The following PDE5A variants were observed in gnomAD, a reference collection of about 807,000 sequenced individuals.
The protein encoded by PDE5A is phosphodiesterase 5A.
A neutral mutation model predicts 110.2 loss-of-function variants in PDE5A; 67 were observed. The observed-to-expected ratio is 0.61, with a 90% CI of 0.50 to 0.75. The LOEUF (loss-of-function observed/expected upper bound fraction) is 0.75, where lower values mean the gene tolerates loss of function less well. PDE5A is among the 30% of genes least tolerant of loss of function. The pLI is 0.00. For synonymous variants in PDE5A, 328 were observed against 351.2 expected (o/e 0.93, Z 0.74); for missense variants, 862 against 1,045.1 (o/e 0.82, Z 2.42).
At chr4:119,595,518 T>A (rs1729122689) in intron 3 of PDE5A, among the ~76,000 whole-genome samples, 1 of 152,150 alleles carries the variant, frequency 6.6e-6, no homozygotes. Flanking sequence ...GTGGGCATCA[T>A]CCAATCCACT....
chr4:119,592,487 A>AAAAAAAAAAAAAAAAAAAAT, intron 3 of PDE5A, among the ~76,000 whole-genome samples: 1 of 137,040 alleles, frequency 7.3e-6, no homozygotes, highest in Admixed American at 7.5e-5. Context: ...AAAAAAAAAA[A>AAAAAAAAAAAAAAAAAAAAT]GCTGTGTTCT....
intron 11 of PDE5A, 146 bp downstream of exon 11, chr4:119,538,814 T>G (rs1726819133): frequency 1.4e-6 from 1 of 702,606 alleles, no homozygotes; most frequent in Non-Finnish European, 2.6e-6. Context: ...TAATGCCTTT[T>G]GCTTTGTATT....
intron 3 of PDE5A, among the ~76,000 whole-genome samples, chr4:119,590,069 C>T (rs1233371616): frequency 6.6e-6 from 1 of 152,128 alleles, no homozygotes; most frequent in Non-Finnish European, 1.5e-5. Flanking sequence ...TATTATGACC[C>T]CTACAGTCCG....
intron 11 of PDE5A, among the ~76,000 whole-genome samples, chr4:119,530,656 T>C (rs1387643770): frequency 1.3e-5 from 2 of 152,166 alleles, no homozygotes; most frequent in Non-Finnish European, 2.9e-5. Context: ...CTGTTATATT[T>C]GGAGCACCTA....
At chr4:119,547,625 TTTATG>T (rs1727179350) in intron 9 of PDE5A, among the ~76,000 whole-genome samples, 1 of 152,034 alleles carries the variant, frequency 6.6e-6, no homozygotes, top group Non-Finnish European at 1.5e-5. Context: ...ACCTTCAGTT[TTTATG>T]TTATGTTAAT....
chr4:119,615,003 G>A (rs1729886137), intron 1 of PDE5A, among the ~76,000 whole-genome samples: 1 of 152,128 alleles, frequency 6.6e-6, no homozygotes, highest in Admixed American at 6.5e-5. Context: ...TAACAATCAG[G>A]TGATAATTCT....
At chr4:119,622,312 G>C (rs1730178511) in intron 1 of PDE5A, among the ~76,000 whole-genome samples, 1 of 151,946 alleles carries the variant, frequency 6.6e-6, no homozygotes, top group Non-Finnish European at 1.5e-5. Context: ...TTTCAGTATA[G>C]GTATTCAACT....
chr4:119,626,835 A>G (rs1240522207), intron 1 of PDE5A, among the ~76,000 whole-genome samples: 2 of 152,168 alleles, frequency 1.3e-5, no homozygotes, highest in South Asian at 2.1e-4. Flanking sequence ...ATTAAATTGA[A>G]AAGATTAATC....
chr4:119,557,318 G>A (rs1437586120), intron 7 of PDE5A, among the ~76,000 whole-genome samples: 1 of 152,128 alleles, frequency 6.6e-6, no homozygotes, highest in Non-Finnish European at 1.5e-5. Context: ...TTGGTCTGAT[G>A]GCTTTCCTGG....
rs1341238078 is a variant in PDE5A, at chr4:119,560,424, T to TA, written c.1132-62dup. 1.8e-5 allele frequency: 18 copies of TA among 1,010,806 alleles called. No individual in the cohort carries two copies. The African/African-American group carries it at 2.1e-4, about 12-fold the overall frequency. The allele number at this position is 1,010,806 out of a possible 1,614,324, so 62.6% of individuals were successfully genotyped here. A position where few individuals can be genotyped will look rare whatever the true frequency, so the allele number is the denominator to read the frequency against. On this transcript the variant is annotated intron_variant, in intron 6 of 20. Coordinates refer to ENST00000354960, the MANE Select transcript of PDE5A (RefSeq NM_001083.4). ...GACAAGGTAATGAAAACTATCTAGA[T>TA]ACAGACATACATGCTATGGAATTGA... is the stretch of plus-strand genomic sequence containing the variant.
intron 15 of PDE5A, 100 bp downstream of exon 15, chr4:119,510,947 C>G: frequency 1.2e-6 from 1 of 815,254 alleles, no homozygotes; most frequent in Non-Finnish European, 2.0e-6. Flanking sequence ...AAAGTATGTG[C>G]AAGAATTTAT....
chr4:119,555,635 A>C (rs146068632), intron 7 of PDE5A, among the ~76,000 whole-genome samples: 16 of 152,264 alleles, frequency 1.1e-4, no homozygotes, highest in African/African-American at 3.1e-4. Flanking sequence ...AACTATTATT[A>C]TTCTTCATCA....
At chr4:119,565,512 GA>G in intron 4 of PDE5A, 102 bp from the exon 5 acceptor site, 1 of 753,002 alleles carries the variant, frequency 1.3e-6, no homozygotes, top group Non-Finnish European at 2.3e-6. Context: ...AAAGCCAAAA[GA>G]ATAGATGTTT....
At chr4:119,597,013 C>T (rs1291485263) in intron 2 of PDE5A, among the ~76,000 whole-genome samples, 1 of 152,062 alleles carries the variant, frequency 6.6e-6, no homozygotes, top group African/African-American at 2.4e-5. Context: ...CTTTACTTCC[C>T]TTGTAAGGGC....
At position 119,542,623 on chromosome 4, in the gene PDE5A, G is replaced by T; in HGVS notation, c.1408C>A (p.Leu470Ile). The change falls in exon 10 of 21, where the codon CTT becomes ATT. Residue 470 changes from leucine to isoleucine, a missense_variant. Transcript: ENST00000354960. The part of the protein sequence containing the change: ...KKNKVIGVCQ[L>I]VNKMEENTGK... ...GTATTCTCCTCCATCTTATTAACAAGTTGGCAAACCCCTATAACAATCCGA... is the reference window on the plus strand; with the variant it reads ...GTATTCTCCTCCATCTTATTAACAATTTGGCAAACCCCTATAACAATCCGA... 6.2e-7 allele frequency: 1 copy of T among 1,613,630 alleles called. No homozygotes were observed. The highest frequency in any genetic ancestry group is 1.7e-4 in the Middle Eastern group (1 of 6,058).
rs1403102711 is a variant in PDE5A at position 119,627,186 on chromosome 4, G to C, written c.152+1334C>G. ...TCCAAAGGGCAACATAGCAAACGTG[G>C]GAAGTTCGTTTTCGAACTCCGCCGA... On this transcript the variant is annotated intron_variant, in intron 1 of 20. Transcript: ENST00000354960. This position sits in a 1 kb window ranked among gnomAD's most constrained non-coding sequence, Gnocchi z 4.6. 1.9e-6 allele frequency: 3 copies of C among 1,612,724 alleles called. No individual in the cohort carries two copies. Among genetic ancestry groups the C allele is most frequent in the Non-Finnish European group, 2.5e-6 (3 of 1,179,366 alleles).
intron 13 of PDE5A, 54 bp from the exon 14 acceptor site, chr4:119,519,193 G>C: frequency 8.8e-6 from 11 of 1,249,792 alleles, no homozygotes; most frequent in Non-Finnish European, 1.2e-5. Flanking sequence ...TGTGGTGAAG[G>C]ACATTATATT....
intron 7 of PDE5A, among the ~76,000 whole-genome samples, chr4:119,557,975 C>T (rs1727602600): frequency 6.6e-6 from 1 of 152,076 alleles, no homozygotes; most frequent in African/African-American, 2.4e-5. Context: ...ATGTATTTAT[C>T]ATTTTATGAC....
rs537530930 is a variant in PDE5A at position 119,570,922 on chromosome 4, C to T, written c.832-3778G>A. Among the ~76,000 whole-genome samples, 182 of 152,212 alleles carry T rather than the reference C, an allele frequency of 1.2e-3. 1 individual carries two copies. Among genetic ancestry groups the T allele is most frequent in the African/African-American group, 4.0e-3 (167 of 41,524 alleles). On this transcript the variant is annotated intron_variant, in intron 3 of 20. Coordinates refer to ENST00000354960, the MANE Select transcript of PDE5A (RefSeq NM_001083.4). ...ATAGAGGAGTTAGGGGAGAATTTTC[C>T]CTAGTGCTCTTTTCAAACTTTTCTT...
Sources: allele counts gnomAD v4.1 joint callset (sites outside exome capture counted in the v4.1 genomes callset), GRCh38; gene constraint gnomAD v4.1.1; non-coding constraint Gnocchi (gnomAD v3.1); transcripts MANE v1.5; gene names NCBI Gene and HGNC (gene_info 2026-07-23, HGNC 2026-07-21).